Variants in RBFOX1 observed in about 807,000 individuals in gnomAD.
RBFOX1 encodes RNA binding protein fox-1 homolog 1.
RBFOX1 carries 8 observed loss-of-function variants against 57.7 expected under a neutral mutation model. The observed-to-expected ratio is 0.14, with a 90% CI of 0.08 to 0.25. The LOEUF (loss-of-function observed/expected upper bound fraction) is 0.25. RBFOX1 is among the 10% of genes least tolerant of loss of function. The probability of loss-of-function intolerance (pLI) is 1.00; values close to 1 mark genes in which losing one functional copy is unlikely to be tolerated. For synonymous variants in RBFOX1, 326 were observed against 222.4 expected (o/e 1.47, Z -4.15); for missense variants, 611 against 548.5 (o/e 1.11, Z -1.14).
At chr16:6,697,465 A>T (rs2061224138) in intron 3 of RBFOX1, among the ~76,000 whole-genome samples, 1 of 152,194 alleles carries the variant, frequency 6.6e-6, no homozygotes, top group Admixed American at 6.5e-5. Flanking sequence ...TGACTTCAGG[A>T]ATTAAGGAAT....
chr16:7,587,630 C>G (rs1445608420), intron 7 of RBFOX1, among the ~76,000 whole-genome samples: 1 of 152,066 alleles, frequency 6.6e-6, no homozygotes, highest in Non-Finnish European at 1.5e-5. Context: ...AGTTGATAGT[C>G]TCATGAGCAG....
At chr16:6,554,567 A>G (rs1037761135) in intron 2 of RBFOX1, among the ~76,000 whole-genome samples, 7 of 152,230 alleles carry the variant, frequency 4.6e-5, no homozygotes, top group African/African-American at 1.7e-4. Context: ...TGGTTTTCTA[A>G]ACAAGAAAAC....
chr16:5,775,538 C>T (rs564917312), intron 3 of RBFOX1, among the ~76,000 whole-genome samples: 5 of 152,216 alleles, frequency 3.3e-5, no homozygotes, highest in African/African-American at 7.2e-5. Flanking sequence ...TTATATGGCA[C>T]AGGCTCAGAG....
At chr16:6,128,495 G>T (rs909452938) in intron 1 of RBFOX1, among the ~76,000 whole-genome samples, 1 of 152,188 alleles carries the variant, frequency 6.6e-6, no homozygotes, top group African/African-American at 2.4e-5. Flanking sequence ...CCTCATGAAA[G>T]CTCTGGCTTT....
intron 14 of RBFOX1, among the ~76,000 whole-genome samples, chr16:7,681,828 C>G (rs2074836752): frequency 6.6e-6 from 1 of 152,056 alleles, no homozygotes; most frequent in Admixed American, 6.6e-5. Flanking sequence ...TTTGCTTTCC[C>G]CAGTCCTCTT....
At chr16:5,466,682 C>G (rs1422279877) in intron 1 of RBFOX1, among the ~76,000 whole-genome samples, 2 of 152,214 alleles carry the variant, frequency 1.3e-5, no homozygotes, top group African/African-American at 2.4e-5. Flanking sequence ...CCCTGCCTGC[C>G]TCCTTGACAT....
intron 2 of RBFOX1, among the ~76,000 whole-genome samples, chr16:5,533,031 A>G (rs1567201244): frequency 6.6e-6 from 1 of 152,170 alleles, no homozygotes; most frequent in Non-Finnish European, 1.5e-5. Context: ...GCAATGAGTT[A>G]TATGAGAATG....
intron 2 of RBFOX1, among the ~76,000 whole-genome samples, chr16:5,559,164 G>A (rs370037705): frequency 0.014 from 425 of 31,390 alleles, 4 homozygotes; most frequent in African/African-American, 0.05. Context: ...ACCCCCCCAG[G>A]CAAAAAAAAA....
intron 1 of RBFOX1, among the ~76,000 whole-genome samples, chr16:5,394,367 C>T (rs1422889269): frequency 1.3e-5 from 2 of 152,160 alleles, no homozygotes; most frequent in Non-Finnish European, 2.9e-5. Context: ...TAGGACAGCT[C>T]ACATTGCTCT....
intron 3 of RBFOX1, among the ~76,000 whole-genome samples, chr16:6,936,032 C>A (rs116575585): frequency 4.6e-5 from 7 of 152,158 alleles, no homozygotes; most frequent in Non-Finnish European, 1.0e-4. Flanking sequence ...AAGAGGGTTT[C>A]TTCTCAATGC....
chr16:5,522,867 G>C (rs1365233484), intron 2 of RBFOX1, among the ~76,000 whole-genome samples: 2 of 152,166 alleles, frequency 1.3e-5, no homozygotes. Flanking sequence ...AAAATGACAG[G>C]ATTCCATTCT....
intron 3 of RBFOX1, 42 bp from the exon 4 acceptor site, chr16:7,052,015 G>A (rs753926695): frequency 1.8e-5 from 29 of 1,584,568 alleles, no homozygotes; most frequent in Middle Eastern, 1.7e-4. Flanking sequence ...TTTCTGATCC[G>A]GAGCCTTCTG....
At chr16:5,559,514 G>A (rs2045810894) in intron 2 of RBFOX1, among the ~76,000 whole-genome samples, 2 of 152,296 alleles carry the variant, frequency 1.3e-5, no homozygotes, top group South Asian at 4.1e-4. Context: ...AATGGGGAAG[G>A]CCTGTCAGGA....
intron 1 of RBFOX1, among the ~76,000 whole-genome samples, chr16:6,204,764 C>A (rs1470103225): frequency 2.0e-5 from 3 of 152,078 alleles, no homozygotes; most frequent in Non-Finnish European, 4.4e-5. Context: ...AGTTGGATGA[C>A]CTTATTGACA....
intron 4 of RBFOX1, among the ~76,000 whole-genome samples, chr16:7,067,149 C>T (rs576058839): frequency 1.3e-3 from 199 of 152,232 alleles, no homozygotes; most frequent in Non-Finnish European, 2.3e-3. Flanking sequence ...GACATGGGCC[C>T]GGAGAACTGA....
chr16:6,578,355 C>A (rs1001309861), intron 2 of RBFOX1, among the ~76,000 whole-genome samples: 5 of 152,152 alleles, frequency 3.3e-5, no homozygotes, highest in Admixed American at 3.3e-4. Flanking sequence ...CCCCGGGACA[C>A]AGCAGTGGGT....
chr16:7,400,071 G>A (rs970901562), intron 4 of RBFOX1, among the ~76,000 whole-genome samples: 2 of 152,252 alleles, frequency 1.3e-5, no homozygotes, highest in East Asian at 3.9e-4. Flanking sequence ...ACCCTCAGGA[G>A]GGGAAGACCA....
chr16:5,497,323 C>T (rs918250017), intron 2 of RBFOX1, among the ~76,000 whole-genome samples: 1 of 151,856 alleles, frequency 6.6e-6, no homozygotes, highest in Non-Finnish European at 1.5e-5. Context: ...GTGAAGTTCT[C>T]GGTGAATCGC....
intron 4 of RBFOX1, among the ~76,000 whole-genome samples, chr16:7,458,248 A>G (rs982543177): frequency 1.3e-5 from 2 of 152,128 alleles, no homozygotes; most frequent in Non-Finnish European, 2.9e-5. Flanking sequence ...AGGTTTGCAA[A>G]GGACCAGCGT....
Sources: gnomAD v4.1 joint callset for allele counts (sites outside exome capture counted in the v4.1 genomes callset) on GRCh38, gnomAD v4.1.1 for gene constraint, MANE v1.5 for transcripts, NCBI Gene and HGNC (gene_info 2026-07-23, HGNC 2026-07-21) for gene names.